Variants in CCDC14 observed in about 807,000 individuals in gnomAD.
CCDC14 encodes coiled-coil domain-containing protein 14.
Under a neutral mutation model 81.4 loss-of-function variants are expected in CCDC14, and 71 were observed. The ratio of observed to expected loss-of-function variants is 0.87; its 90% CI spans 0.72 to 1.06. The LOEUF (loss-of-function observed/expected upper bound fraction) is 1.06, where lower values mean the gene tolerates loss of function less well. Among genes scored for constraint, CCDC14 ranks in the 50% least tolerant of loss-of-function variants. The pLI is 0.00. For missense variants in CCDC14, 1,046 were observed against 1,047.3 expected (o/e 1.00, Z 0.02); for synonymous variants, 332 against 364.8 (o/e 0.91, Z 1.03).
chr3:123,917,252 G>A (rs2034760221), intron 12 of CCDC14, among the ~76,000 whole-genome samples: 1 of 151,596 alleles, frequency 6.6e-6, no homozygotes, highest in Non-Finnish European at 1.5e-5. Context: ...CCAGCACTTT[G>A]GGAGGCTGTG....
intron 9 of CCDC14, among the ~76,000 whole-genome samples, chr3:123,940,582 C>T (rs1334492013): frequency 2.6e-5 from 4 of 151,924 alleles, no homozygotes; most frequent in Non-Finnish European, 4.4e-5. Context: ...TAATTTTAAT[C>T]TTCTGTTCTT....
downstream of CCDC14, among the ~76,000 whole-genome samples, chr3:123,912,255 G>A (rs2034465328): frequency 6.6e-6 from 1 of 152,116 alleles, no homozygotes; most frequent in Non-Finnish European, 1.5e-5. Context: ...TTTGCACTCT[G>A]GGACATCTGA....
intron 1 of CCDC14, chr3:123,957,148 G>A (rs901127912): frequency 8.3e-5 from 13 of 156,564 alleles, no homozygotes; most frequent in African/African-American, 1.2e-4. Flanking sequence ...TCCATTATAT[G>A]TATGTACCAC....
intron 9 of CCDC14, among the ~76,000 whole-genome samples, chr3:123,934,110 T>C (rs1489163856): frequency 6.6e-6 from 1 of 151,850 alleles, no homozygotes; most frequent in East Asian, 1.9e-4. Context: ...CCATCTCTAC[T>C]AAAAATACAA....
Position 123,913,671 on chromosome 3 carries a change from TAA to T in CCDC14, c.*1106_*1107del, listed in dbSNP as rs538122071. The T allele has an allele frequency of 7.1e-4, 631 of 892,844 alleles. No individual in the cohort carries two copies. The highest frequency in any genetic ancestry group is 7.5e-4 in the Non-Finnish European group (568 of 761,338). 55.3% of individuals were successfully genotyped at this position (892,844 alleles called of 1,614,324 possible). A position where few individuals can be genotyped will look rare whatever the true frequency, so the allele number is the denominator to read the frequency against. On this transcript the variant is annotated 3_prime_UTR_variant, in exon 13 of 13. Transcript: ENST00000409697. ...CTTCAAACGCTGTAGCACTAACACC[TAA>T]AAAAAAAAAAAAAACCACCAAAAAA... is the stretch of plus-strand genomic sequence containing the variant.
Position 123,949,076 on chromosome 3 carries a change from C to G in CCDC14, c.409G>C (p.Asp137His), listed in dbSNP as rs906806483. The change falls in exon 6 of 13, where the codon GAC becomes CAC. Residue 137 changes from aspartate (D) to histidine (H), a missense_variant. By Grantham distance (81) the Asp-to-His change is moderately conservative. Transcript: ENST00000409697. ...PNEASARSER[D>H]TSDLEQNWSL... ...CAGTTTTGCTCTAGGTCTGATGTGT[C>G]TCTTTCACTTCTAGCAGAAGCTTCA... 8 of 1,612,572 alleles carry G rather than the reference C, an allele frequency of 5.0e-6. No individual in the cohort carries two copies. Among genetic ancestry groups the G allele is most frequent in the Non-Finnish European group, 5.9e-6 (7 of 1,179,208 alleles).
At chr3:123,942,591 G>A (rs2036403122) in intron 9 of CCDC14, among the ~76,000 whole-genome samples, 2 of 151,976 alleles carry the variant, frequency 1.3e-5, no homozygotes, top group Admixed American at 6.6e-5. Flanking sequence ...CTATTTAATT[G>A]CTTTCCAGTT....
the CCDC14 span, among the ~76,000 whole-genome samples, chr3:123,889,162 C>A: frequency 6.6e-6 from 1 of 152,188 alleles, no homozygotes. Context: ...GAAATCCCAA[C>A]AATTTGGGAG....
chr3:123,936,936 C>T (rs1248681528), intron 9 of CCDC14, among the ~76,000 whole-genome samples: 3 of 152,034 alleles, frequency 2.0e-5, no homozygotes, highest in Non-Finnish European at 1.5e-5. Flanking sequence ...TTATAGTTTG[C>T]ATATTCTAGA....
chr3:123,916,146 G>C (rs960495438), intron 12 of CCDC14, among the ~76,000 whole-genome samples: 1 of 151,646 alleles, frequency 6.6e-6, no homozygotes, highest in Non-Finnish European at 1.5e-5. Flanking sequence ...TTACAGGTGC[G>C]CATCACCACG....
At chr3:123,933,426 T>A (rs1210999663) in intron 10 of CCDC14, 1 of 453,646 alleles carries the variant, frequency 2.2e-6, no homozygotes, top group Non-Finnish European at 3.9e-6. Flanking sequence ...CAGTAGGTAT[T>A]CAGTAAGTGT....
chr3:123,948,696 G>C lies in CCDC14; in HGVS notation c.679C>G (p.His227Asp). The C allele has an allele frequency of 6.3e-7, 1 of 1,598,316 alleles. No homozygotes were observed. The highest frequency in any genetic ancestry group is 1.1e-5 in the South Asian group (1 of 86,970). ...AGTATAAGAACTGTACGCACAGAAT[G>C]AACCTTTGGAGGGCAGGGTGGCCGC... is the stretch of plus-strand genomic sequence containing the variant. ...LQRPPCPPKV[H>D]SEVQTDGNSQ... Residue 227 changes from histidine to aspartate, a missense_variant, in exon 7 of 13, where the codon CAT becomes GAT. Coordinates refer to ENST00000409697, the MANE Select transcript of CCDC14 (RefSeq NM_001366335.1).
At chr3:123,898,567 A>AG (rs2034116487) in intron 5 of CCDC14, among the ~76,000 whole-genome samples, 1 of 152,216 alleles carries the variant, frequency 6.6e-6, no homozygotes, top group Non-Finnish European at 1.5e-5. Context: ...GTGCAATCCA[A>AG]GGGAACTTAT....
downstream of CCDC14, among the ~76,000 whole-genome samples, chr3:123,896,488 T>C (rs766110257): frequency 2.6e-5 from 4 of 152,186 alleles, no homozygotes; most frequent in African/African-American, 4.8e-5. Flanking sequence ...AAATCCTTCA[T>C]TTGCAACAAC....
chr3:123,907,072 T>A (rs916213810), intron 5 of CCDC14, among the ~76,000 whole-genome samples: 1 of 152,198 alleles, frequency 6.6e-6, no homozygotes, highest in Non-Finnish European at 1.5e-5. Flanking sequence ...CAAACTTTTG[T>A]CTACTTGATG....
intron 12 of CCDC14, among the ~76,000 whole-genome samples, chr3:123,921,732 C>T (rs1212199794): frequency 6.6e-6 from 1 of 152,096 alleles, no homozygotes; most frequent in East Asian, 1.9e-4. Flanking sequence ...ACACTAACGA[C>T]AGCTGATGAG....
At chr3:123,887,477 CAACA>C in the CCDC14 span, among the ~76,000 whole-genome samples, 80 of 50,418 alleles carry the variant, frequency 1.6e-3, no homozygotes, top group Middle Eastern at 0.016. Context: ...ATAACAACAA[CAACA>C]AAAAAAAAAA....
intron 8 of CCDC14, among the ~76,000 whole-genome samples, chr3:123,946,589 C>T (rs186164387): frequency 1.3e-5 from 2 of 152,148 alleles, no homozygotes; most frequent in East Asian, 3.9e-4. Flanking sequence ...AAGCAAAAGA[C>T]TGAATGTTTG....
intron 9 of CCDC14, among the ~76,000 whole-genome samples, chr3:123,942,660 T>C (rs1164387356): frequency 6.6e-6 from 1 of 152,092 alleles, no homozygotes; most frequent in Admixed American, 6.6e-5. Context: ...CTATAACTTA[T>C]GCAGCTGTAA....
Sources: allele counts gnomAD v4.1 joint callset (sites outside exome capture counted in the v4.1 genomes callset), GRCh38; gene constraint gnomAD v4.1.1; transcripts MANE v1.5; gene names NCBI Gene and HGNC (gene_info 2026-07-23, HGNC 2026-07-21).